The following CACNA2D1 variants were observed in gnomAD, a reference collection of about 807,000 sequenced individuals.
CACNA2D1 encodes calcium voltage-gated channel auxiliary subunit alpha2delta 1, also known as voltage-dependent calcium channel subunit alpha-2/delta-1.
A neutral mutation model predicts 171.5 loss-of-function variants in CACNA2D1; 53 were observed. The ratio of observed to expected loss-of-function variants is 0.31; its 90% CI spans 0.25 to 0.39. The LOEUF is 0.39. Among genes scored for constraint, CACNA2D1 ranks in the 10% least tolerant of loss-of-function variants. The pLI is 1.00. For missense variants in CACNA2D1, 903 were observed against 1,299.8 expected (o/e 0.69, Z 4.69); for synonymous variants, 442 against 443.1 (o/e 1.00, Z 0.03).
At chr7:81,955,976 ATATATTTTT>A (rs554120687) in intron 38 of CACNA2D1, among the ~76,000 whole-genome samples, 9,708 of 71,386 alleles carry the variant, frequency 0.14, 239 homozygotes, top group African/African-American at 0.16. Flanking sequence ...ATATATATAT[ATATATTTTT>A]TTTTTTTTTT....
At chr7:82,400,714 T>C (rs1440524471) in intron 1 of CACNA2D1, among the ~76,000 whole-genome samples, 1 of 151,740 alleles carries the variant, frequency 6.6e-6, no homozygotes, top group East Asian at 1.9e-4. Flanking sequence ...TGGGATCTAA[T>C]TAAACTAAAG....
At chr7:82,071,262 T>C (rs1345855457) in intron 7 of CACNA2D1, among the ~76,000 whole-genome samples, 1 of 152,146 alleles carries the variant, frequency 6.6e-6, no homozygotes, top group East Asian at 1.9e-4. Context: ...TAGAGAATAC[T>C]ACCAGAAACA....
At position 81,997,362 on chromosome 7, in the gene CACNA2D1, T is replaced by A. The variant is rs1025244261; in HGVS notation, c.1591-112A>T. ...TGTGCAAAAATTACCTAGGATACAA[T>A]AATTGTATAAAGGTATCTTCTTTCA... On this transcript the variant is annotated intron_variant, in intron 18 of 38. Transcript: ENST00000356860. 1.6e-5 allele frequency: 11 copies of A among 670,856 alleles called. No individual in the cohort carries two copies. In the African/African-American group the frequency reaches 2.0e-4, roughly 12 times the overall value. 41.6% of individuals were successfully genotyped at this position (670,856 alleles called of 1,614,324 possible).
chr7:82,266,715 C>T (rs1807905501), intron 3 of CACNA2D1, among the ~76,000 whole-genome samples: 1 of 152,090 alleles, frequency 6.6e-6, no homozygotes. Flanking sequence ...TGAGGTTTCA[C>T]AATTTTGGCC....
At chr7:82,440,312 A>G (rs1830399593) in intron 1 of CACNA2D1, among the ~76,000 whole-genome samples, 1 of 151,876 alleles carries the variant, frequency 6.6e-6, no homozygotes, top group South Asian at 2.1e-4. Context: ...AAAATTAAGG[A>G]CAAATTTAAA....
At chr7:82,153,678 G>T (rs1794077360) in intron 4 of CACNA2D1, among the ~76,000 whole-genome samples, 1 of 151,960 alleles carries the variant, frequency 6.6e-6, no homozygotes, top group South Asian at 2.1e-4. Context: ...ACTACTTCTT[G>T]ATGTTTAATT....
intron 12 of CACNA2D1, among the ~76,000 whole-genome samples, chr7:82,016,467 A>G (rs1800464146): frequency 6.6e-6 from 1 of 152,092 alleles, no homozygotes; most frequent in African/African-American, 2.4e-5. Context: ...TAAAAAAATA[A>G]ACAAGTAAGA....
At chr7:81,962,215 A>T (rs1229884998) in intron 35 of CACNA2D1, among the ~76,000 whole-genome samples, 192 bp from the exon 36 acceptor site, 1 of 151,932 alleles carries the variant, frequency 6.6e-6, no homozygotes, top group Non-Finnish European at 1.5e-5. Context: ...CAAGAGAATA[A>T]ATGAATTCAA....
At chr7:82,050,277 G>A (rs1021564987) in intron 10 of CACNA2D1, 2 of 297,684 alleles carry the variant, frequency 6.7e-6, no homozygotes, top group African/African-American at 4.2e-5. Flanking sequence ...GCAGTTGTAA[G>A]CTAACAAGTA....
At chr7:82,377,191 C>G (rs942444215) in intron 1 of CACNA2D1, among the ~76,000 whole-genome samples, 3 of 152,184 alleles carry the variant, frequency 2.0e-5, no homozygotes, top group Admixed American at 6.5e-5. Context: ...TGGGGTCATA[C>G]AGTCAGCTTT....
At chr7:82,155,194 G>A (rs1049891088) in intron 4 of CACNA2D1, among the ~76,000 whole-genome samples, 1 of 152,094 alleles carries the variant, frequency 6.6e-6, no homozygotes, top group African/African-American at 2.4e-5. Context: ...ACAGCCTATG[G>A]AACCATAAGC....
Position 82,267,706 on chromosome 7 carries a change from C to T in CACNA2D1, c.294+67429G>A, listed in dbSNP as rs139045026. ...AAGCTTTTGAAAGCCCTTAAACCTA[C>T]AAACTCGGCTGGGTGTGGTGGTTCA... is the stretch of plus-strand genomic sequence containing the variant. On this transcript the variant is annotated intron_variant, in intron 3 of 38. Transcript: ENST00000356860. 1.4e-4 allele frequency among the ~76,000 whole-genome samples: 21 copies of T among 152,046 alleles called. No homozygotes were observed. The East Asian group carries it at 4.1e-3, about 29-fold the overall frequency.
At chr7:81,951,977 T>TTTTTTG (rs1792622700) in intron 38 of CACNA2D1, among the ~76,000 whole-genome samples, 1 of 148,654 alleles carries the variant, frequency 6.7e-6, no homozygotes, top group East Asian at 2.0e-4. Context: ...GTGTTTTTTT[T>TTTTTTG]TTTTTTTTTT....
At chr7:81,998,916 T>G (rs534493418) in intron 18 of CACNA2D1, among the ~76,000 whole-genome samples, 34 of 152,240 alleles carry the variant, frequency 2.2e-4, no homozygotes, top group Non-Finnish European at 1.8e-4. Flanking sequence ...ACTCTAAAGT[T>G]TACAACATTA....
chr7:82,334,192 C>T (rs370917181), intron 3 of CACNA2D1, among the ~76,000 whole-genome samples: 1 of 152,054 alleles, frequency 6.6e-6, no homozygotes, highest in Non-Finnish European at 1.5e-5. Context: ...TTCCACATGT[C>T]GGCCAGAATA....
At chr7:82,234,060 T>C (rs1803263999) in intron 3 of CACNA2D1, among the ~76,000 whole-genome samples, 1 of 152,094 alleles carries the variant, frequency 6.6e-6, no homozygotes, top group African/African-American at 2.4e-5. Context: ...AAATGTACAC[T>C]TCCTGATAGC....
intron 6 of CACNA2D1, among the ~76,000 whole-genome samples, chr7:82,105,013 T>C (rs1236263722): frequency 6.6e-6 from 1 of 152,044 alleles, no homozygotes; most frequent in Admixed American, 6.6e-5. Flanking sequence ...TTTGGACCCT[T>C]CAGGAATTAT....
At chr7:82,277,735 T>A (rs1809535981) in intron 3 of CACNA2D1, among the ~76,000 whole-genome samples, 1 of 147,204 alleles carries the variant, frequency 6.8e-6, no homozygotes, top group Non-Finnish European at 1.5e-5. Flanking sequence ...TTTGATTTTT[T>A]AATTTTTTAC....
intron 3 of CACNA2D1, among the ~76,000 whole-genome samples, chr7:82,216,028 C>T (rs139059414): frequency 1.3e-3 from 191 of 152,130 alleles, no homozygotes; most frequent in African/African-American, 4.4e-3. Flanking sequence ...AATCATTTTG[C>T]CTCTAACTGA....
Sources: allele counts gnomAD v4.1 joint callset (sites outside exome capture counted in the v4.1 genomes callset), GRCh38; gene constraint gnomAD v4.1.1; transcripts MANE v1.5; gene names NCBI Gene and HGNC (gene_info 2026-07-23, HGNC 2026-07-21).